Variants in ALG12 observed in about 807,000 individuals in gnomAD.
ALG12 encodes dol-P-Man:Man(7)GlcNAc(2)-PP-Dol alpha-1,6-mannosyltransferase.
In ALG12, 36 loss-of-function variants were observed where a neutral mutation model predicts 46.0. The ratio of observed to expected loss-of-function variants is 0.78; its 90% CI spans 0.60 to 1.03. The LOEUF (loss-of-function observed/expected upper bound fraction) is 1.03, where lower values mean the gene tolerates loss of function less well. Ranked by LOEUF, ALG12 falls within the 50% of genes least tolerant of loss-of-function variation. The probability of loss-of-function intolerance (pLI) is 0.00; values close to 1 mark genes in which losing one functional copy is unlikely to be tolerated. For synonymous variants in ALG12, 326 were observed against 291.6 expected, an observed-to-expected ratio of 1.12 and a Z score of -1.20; for missense variants, 599 against 633.5, an observed-to-expected ratio of 0.95 and a Z score of 0.58.
the ALG12 span, among the ~76,000 whole-genome samples, chr22:49,861,460 G>C: frequency 9.2e-5 from 14 of 152,216 alleles, no homozygotes; most frequent in South Asian, 2.7e-3. Flanking sequence ...TTGAGATAGC[G>C]TCTGGCTCTG....
the ALG12 span, chr22:49,886,632 G>A: frequency 6.3e-7 from 1 of 1,586,452 alleles, no homozygotes; most frequent in Non-Finnish European, 8.6e-7. The surrounding 1 kb of genome is among the most constrained non-coding windows in gnomAD (Gnocchi z 7.7). Context: ...AGGCCATGGT[G>A]AGCCGCCTGT....
At chr22:49,888,222 TAA>T in the ALG12 span, 1 of 167,272 alleles carries the variant, frequency 6.0e-6, no homozygotes, top group South Asian at 2.1e-4. Context: ...CAGATGATTT[TAA>T]AAGTTATGTC....
Position 49,907,801 on chromosome 22 carries a change from G to A in ALG12, c.912C>T (p.Leu304=), listed in dbSNP as rs1226459157. 9 of 1,614,060 alleles carry A rather than the reference G, an allele frequency of 5.6e-6. No individual in the cohort carries two copies. In the African/African-American group the frequency reaches 6.7e-5, roughly 12 times the overall value. ...LALGFMALYS[L]LPHKELRFII... is the part of the protein sequence containing the mutation. The stretch of plus-strand genomic sequence containing the variant: ...TGAAGCGTAGCTCCTTGTGTGGCAG[G>A]AGGGAGTAGAGTGCCATGAAGCCCA... The change falls in exon 7 of 10, where the codon CTC becomes CTT. Residue 304 remains leucine, a synonymous_variant. Coordinates refer to ENST00000330817, the MANE Select transcript of ALG12 (RefSeq NM_024105.4).
the ALG12 span, chr22:49,886,116 C>G: frequency 1.5e-6 from 1 of 681,446 alleles, no homozygotes; most frequent in East Asian, 2.5e-5. The surrounding 1 kb of genome is among the most constrained non-coding windows in gnomAD (Gnocchi z 7.7). Context: ...AGACGCTGAA[C>G]GAGGGGGAGC....
chr22:49,904,593 G>A, intron 7 of ALG12, 87 bp from the exon 8 acceptor site: 3 of 1,452,674 alleles, frequency 2.1e-6, no homozygotes, highest in Non-Finnish European at 2.8e-6. Flanking sequence ...AGCATAACCT[G>A]CTGTTCAACT....
the ALG12 span, chr22:49,885,088 G>A: frequency 7.4e-6 from 12 of 1,613,554 alleles, no homozygotes; most frequent in Middle Eastern, 1.6e-4. Context: ...CCTCAAGGCC[G>A]AGTGTCGGTA....
the ALG12 span, among the ~76,000 whole-genome samples, chr22:49,877,754 C>A: frequency 6.6e-6 from 1 of 151,976 alleles, no homozygotes; most frequent in African/African-American, 2.4e-5. Context: ...ATCCATAAAC[C>A]CATCCTGCAG....
the ALG12 span, chr22:49,885,442 A>C: frequency 1.2e-6 from 2 of 1,610,746 alleles, no homozygotes; most frequent in Non-Finnish European, 1.7e-6. Flanking sequence ...GAAGCCGACT[A>C]ACTTGGGTAC....
At position 49,909,988 on chromosome 22, in the gene ALG12, G is replaced by C; in HGVS notation, c.570C>G (p.Phe190Leu). The change falls in exon 5 of 10, where the codon TTC (phenylalanine) becomes TTG (leucine). Residue 190 changes from phenylalanine to leucine, a missense_variant. Transcript: ENST00000330817. ...AGGCCAGCAGCAGCAGGAGGCCCAGGAACAGGCACAGCTCCACCCTGAACA... is the reference window on the plus strand; with the variant it reads ...AGGCCAGCAGCAGCAGGAGGCCCAGCAACAGGCACAGCTCCACCCTGAACA... ...IIVFRVELCLFLGLLLLLALG... is the reference protein window; with the variant it reads ...IIVFRVELCLLLGLLLLLALG... The C allele has an allele frequency of 6.2e-7, 1 of 1,613,986 alleles. No individual in the cohort carries two copies. The highest frequency in any genetic ancestry group is 8.5e-7 in the Non-Finnish European group (1 of 1,179,980).
At chr22:49,887,572 G>A in the ALG12 span, 1 of 179,156 alleles carries the variant, frequency 5.6e-6, no homozygotes, top group African/African-American at 2.4e-5. Context: ...CTGTATTTTA[G>A]TGAAGCATTG....
the ALG12 span, among the ~76,000 whole-genome samples, chr22:49,879,599 G>A: frequency 4.3e-5 from 6 of 140,956 alleles, no homozygotes; most frequent in East Asian, 2.1e-4. Flanking sequence ...GTGTCTGGGC[G>A]TGTTTCTATT....
In ALG12 at chr22:49,903,087, T is replaced by A. The variant is rs990855212; in HGVS notation, c.*751A>T. The A allele has an allele frequency of 1.4e-5, 5 of 351,452 alleles. No homozygotes were observed. The highest frequency in any genetic ancestry group is 2.8e-5 in the Non-Finnish European group (5 of 179,998). 21.8% of individuals were successfully genotyped at this position (351,452 alleles called of 1,614,324 possible). ...GCATCACACGCACTTTGGTGCTTTA[T>A]AAATGCATGGTCAGTGAGGCTGACA... is the stretch of plus-strand genomic sequence containing the variant. On this transcript the variant is annotated 3_prime_UTR_variant, in exon 10 of 10. Transcript: ENST00000330817.
the ALG12 span, among the ~76,000 whole-genome samples, chr22:49,875,224 G>T: frequency 1.3e-5 from 2 of 150,848 alleles, no homozygotes; most frequent in Non-Finnish European, 1.5e-5. Context: ...GGAAGAATTT[G>T]TATTTTTTTT....
chr22:49,875,086 T>TA, the ALG12 span, among the ~76,000 whole-genome samples: 1 of 152,226 alleles, frequency 6.6e-6, no homozygotes, highest in South Asian at 2.1e-4. Context: ...ACAGTTTTGT[T>TA]AAGGATTTTT....
chr22:49,869,635 C>T, the ALG12 span, among the ~76,000 whole-genome samples: 4 of 152,070 alleles, frequency 2.6e-5, no homozygotes, highest in African/African-American at 9.7e-5. Flanking sequence ...AGCAGTGTAT[C>T]TCATTGGTTT....
the ALG12 span, among the ~76,000 whole-genome samples, chr22:49,863,336 A>C: frequency 6.6e-6 from 1 of 151,548 alleles, no homozygotes; most frequent in Non-Finnish European, 1.5e-5. Context: ...AGTTTTAAAA[A>C]TTTTTTTGTA....
chr22:49,884,747 T>C, the ALG12 span: 1 of 1,593,712 alleles, frequency 6.3e-7, no homozygotes, highest in Non-Finnish European at 8.6e-7. Context: ...CTGCCTTCCT[T>C]GCTGCCGCCG....
At chr22:49,881,203 G>A in the ALG12 span, among the ~76,000 whole-genome samples, 1 of 152,186 alleles carries the variant, frequency 6.6e-6, no homozygotes, top group African/African-American at 2.4e-5. Context: ...AAAGGAATTA[G>A]CCGGGTGTCA....
chr22:49,865,376 G>A, the ALG12 span, among the ~76,000 whole-genome samples: 3 of 152,062 alleles, frequency 2.0e-5, no homozygotes, highest in African/African-American at 4.8e-5. Context: ...GGGGCCGGGC[G>A]CAGTGGCTCA....
Sources: gnomAD v4.1 joint callset for allele counts (sites outside exome capture counted in the v4.1 genomes callset) on GRCh38, gnomAD v4.1.1 for gene constraint, Gnocchi (gnomAD v3.1) non-coding constraint, MANE v1.5 for transcripts, NCBI Gene and HGNC (gene_info 2026-07-23, HGNC 2026-07-21) for gene names.